The following ACAN variants were observed in gnomAD, a reference collection of about 807,000 sequenced individuals.
ACAN encodes aggrecan core protein.
A neutral mutation model predicts 169.1 loss-of-function variants in ACAN; 47 were observed. The observed-to-expected ratio is 0.28, with a 90% CI of 0.22 to 0.35. ACAN has a LOEUF of 0.35. Among genes scored for constraint, ACAN ranks in the 10% least tolerant of loss-of-function variants. The probability of loss-of-function intolerance (pLI) is 1.00; values close to 1 mark genes in which losing one functional copy is unlikely to be tolerated. For missense variants in ACAN, 2,716 were observed against 2,759.9 expected (o/e 0.98, Z 0.36); for synonymous variants, 1,115 against 1,112.2 (o/e 1.00, Z -0.05).
rs146269195 is a variant in ACAN, at chr15:88,866,190, G to A, written c.6947-2026G>A. Reference sequence around the variant, plus strand: ...CTGGATACCCCCCAGCCTGACCTCCGCTGGGGTGTCTTTCCTTTCCTGCCC... The same window carrying A: ...CTGGATACCCCCCAGCCTGACCTCCACTGGGGTGTCTTTCCTTTCCTGCCC... On this transcript the variant is annotated intron_variant, in intron 13 of 18. Coordinates refer to ENST00000560601, the MANE Select transcript of ACAN (RefSeq NM_001369268.1). The surrounding 1 kb of genome is among the most constrained non-coding windows in gnomAD (Gnocchi z 5.6). 2.0e-4 allele frequency among the ~76,000 whole-genome samples: 31 copies of A among 152,232 alleles called. No homozygotes were observed. Among genetic ancestry groups the A allele is most frequent in the African/African-American group, 6.7e-4 (28 of 41,546 alleles).
In ACAN at chr15:88,857,099, A is replaced by C; in HGVS notation, c.4514A>C (p.Asp1505Ala). The stretch of plus-strand genomic sequence containing the variant: ...GAGACTTCTGCCTCTGGAATAGAGG[A>C]TGTCAGTGAACTTCCTTCAGGAGAA... The part of the protein sequence containing the change: ...VVETSASGIE[D>A]VSELPSGEGL... Residue 1505 changes from aspartate to alanine, a missense_variant, in exon 12 of 19, where the codon GAT (aspartate) becomes GCT (alanine). By Grantham distance (126) the Asp-to-Ala change is moderately radical. Around this residue, in one of 3 missense-constraint regions of ACAN, gnomAD observed 1,389 missense variants for 1,363.7 expected, o/e 1.02. Coordinates refer to ENST00000560601, the MANE Select transcript of ACAN (RefSeq NM_001369268.1). 6.2e-7 allele frequency: 1 copy of C among 1,606,646 alleles called. No individual in the cohort carries two copies. The highest frequency in any genetic ancestry group is 8.5e-7 in the Non-Finnish European group (1 of 1,175,356).
At chr15:88,821,526 C>T (rs1896075808) in intron 1 of ACAN, among the ~76,000 whole-genome samples, 2 of 152,180 alleles carry the variant, frequency 1.3e-5, no homozygotes, top group Admixed American at 1.3e-4. Context: ...TCTATAGTTC[C>T]CTGTCAGCAC....
chr15:88,811,491 T>G lies in ACAN; in HGVS notation c.-8+7682T>G, dbSNP rs375593099. Among the ~76,000 whole-genome samples, 174 of 152,330 alleles carry G rather than the reference T, an allele frequency of 1.1e-3. 1 individual carries two copies. The highest frequency in any genetic ancestry group is 1.5e-3 in the Non-Finnish European group (102 of 68,032). On this transcript the variant is annotated intron_variant, in intron 1 of 18. Coordinates refer to ENST00000560601, the MANE Select transcript of ACAN (RefSeq NM_001369268.1). The stretch of plus-strand genomic sequence containing the variant: ...CTCTCCAAGCCCCACATCTCACATC[T>G]GTAACCTTCCCTCTAAAGGCTGGCC...
At chr15:88,844,215 G>A (rs904062709) in intron 6 of ACAN, among the ~76,000 whole-genome samples, 1 of 151,570 alleles carries the variant, frequency 6.6e-6, no homozygotes, top group Non-Finnish European at 1.5e-5. Flanking sequence ...GCTTACTGCA[G>A]CCTTAGCCTC....
chr15:88,824,496 C>A (rs1896159854), intron 1 of ACAN, among the ~76,000 whole-genome samples: 1 of 152,080 alleles, frequency 6.6e-6, no homozygotes, highest in Non-Finnish European at 1.5e-5. Flanking sequence ...TGAGAAAAAC[C>A]AAAAAAACTC....
At chr15:88,828,732 G>A (rs572576905) in intron 1 of ACAN, among the ~76,000 whole-genome samples, 2 of 152,188 alleles carry the variant, frequency 1.3e-5, no homozygotes, top group Non-Finnish European at 2.9e-5. Flanking sequence ...TCTCTGCACT[G>A]CGTGGAGCTG....
chr15:88,839,978 C>T lies in ACAN; in HGVS notation c.455-34C>T. 1 of 1,573,878 alleles carries T rather than the reference C, an allele frequency of 6.4e-7. No homozygotes were observed. Among genetic ancestry groups the T allele is most frequent in the Non-Finnish European group, 8.6e-7 (1 of 1,157,766 alleles). On this transcript the variant is annotated intron_variant, in intron 3 of 18. Coordinates refer to ENST00000560601, the MANE Select transcript of ACAN (RefSeq NM_001369268.1). This position sits in a 1 kb window ranked among gnomAD's most constrained non-coding sequence, Gnocchi z 4.5. ...GTGATCAGAGACTGTGCCTGACCAG[C>T]TCTTCCGCTTGTGGGCGTGTATGTG...
intron 1 of ACAN, among the ~76,000 whole-genome samples, chr15:88,820,868 G>A (rs1736005531): frequency 6.6e-6 from 1 of 152,068 alleles, no homozygotes; most frequent in Non-Finnish European, 1.5e-5. Context: ...ACCCAAGACT[G>A]GGTAATTTAT....
chr15:88,808,525 T>C (rs75119808), intron 1 of ACAN, among the ~76,000 whole-genome samples: 2,302 of 152,304 alleles, frequency 0.015, 24 homozygotes, highest in Non-Finnish European at 0.023. Context: ...ACCCCTCATT[T>C]CTATACAGCA....
At position 88,871,705 on chromosome 15, in the gene ACAN, C is replaced by T. The variant is rs979125179; in HGVS notation, c.7219+165C>T. Among the ~76,000 whole-genome samples, 4 of 152,198 alleles carry T rather than the reference C, an allele frequency of 2.6e-5. No individual in the cohort carries two copies. The highest frequency in any genetic ancestry group is 9.6e-5 in the African/African-American group (4 of 41,456). ...GTCTGAGCTCCCAGAGAGAAGACAA[C>T]GGTCTTTGGGGCCAGAAGCTGTGGC... On this transcript the variant is annotated intron_variant, in intron 15 of 18. Transcript: ENST00000560601. The surrounding 1 kb of genome is among the most constrained non-coding windows in gnomAD (Gnocchi z 7.8).
rs1307078400 is a variant in ACAN at position 88,858,844 on chromosome 15, C to G, written c.6259C>G (p.Pro2087Ala). 16 of 1,613,410 alleles carry G rather than the reference C, an allele frequency of 9.9e-6. No homozygotes were observed. The highest frequency in any genetic ancestry group is 1.3e-5 in the Non-Finnish European group (15 of 1,179,688). Reference protein sequence around the residue: ...GDISGATPVLPGSGVEVSSVP... With the variant: ...GDISGATPVLAGSGVEVSSVP... ...CATTAGTGGAGCTACCCCAGTGCTC[C>G]CTGGGTCTGGAGTAGAAGTATCATC... is the stretch of plus-strand genomic sequence containing the variant. Residue 2087 changes from proline (P) to alanine (A), a missense_variant, in exon 12 of 19, where the codon CCT becomes GCT. Physicochemically the swap from Pro to Ala is conservative, Grantham distance 27 (BLOSUM62 -1). Around this residue, in one of 3 missense-constraint regions of ACAN, gnomAD observed 1,389 missense variants for 1,363.7 expected, o/e 1.02. Coordinates refer to ENST00000560601, the MANE Select transcript of ACAN (RefSeq NM_001369268.1). This position sits in a 1 kb window ranked among gnomAD's most constrained non-coding sequence, Gnocchi z 4.0.
chr15:88,864,272 C>T (rs1012810608), intron 13 of ACAN, among the ~76,000 whole-genome samples: 11 of 145,052 alleles, frequency 7.6e-5, no homozygotes, highest in Non-Finnish European at 1.7e-4. Context: ...ATGTTATAAC[C>T]TTTTTTTTTT....
rs1320775559 is a variant in ACAN, at chr15:88,854,914, G to A, written c.2329G>A (p.Ala777Thr). The A allele has an allele frequency of 1.3e-6, 2 of 1,582,992 alleles. No individual in the cohort carries two copies. The highest frequency in any genetic ancestry group is 2.4e-5 in the South Asian group (2 of 84,684). Residue 777 changes from alanine (A) to threonine (T), a missense_variant, in exon 12 of 19, where the codon GCA (alanine) becomes ACA (threonine). Coordinates refer to ENST00000560601, the MANE Select transcript of ACAN (RefSeq NM_001369268.1). ...AGAGGAAAGTACAGAAGGCCCTTCT[G>A]CAACTGAAGTGCCCTCTGCCTCAGA... ...ATEESTEGPS[A>T]TEVPSASEEP...
rs778345442 is a variant in ACAN at position 88,857,942 on chromosome 15, G to A, written c.5357G>A (p.Ser1786Asn). The change falls in exon 12 of 19, where the codon AGT (serine) becomes AAT (asparagine). Residue 1786 changes from serine to asparagine, a missense_variant. Physicochemically the swap from Ser to Asn is conservative, Grantham distance 46 (BLOSUM62 1). Around this residue, in one of 3 missense-constraint regions of ACAN, gnomAD observed 1,389 missense variants for 1,363.7 expected, o/e 1.02. Coordinates refer to ENST00000560601, the MANE Select transcript of ACAN (RefSeq NM_001369268.1). ...TSQPFGITDL[S>N]GETSGVPDLS... ...CAACCCTTTGGCATAACTGATCTGA[G>A]TGGAGAAACATCTGGGGTCCCTGAT... The A allele has an allele frequency of 1.2e-6, 2 of 1,613,878 alleles. No homozygotes were observed. The highest frequency in any genetic ancestry group is 4.5e-5 in the East Asian group (2 of 44,870).
chr15:88,868,314 G>A lies in ACAN; in HGVS notation c.7045G>A (p.Asp2349Asn). ...TCLCLPSYEG[D>N]LCEIDQEVCE... The stretch of plus-strand genomic sequence containing the variant: ...CTTATGCCTTCCCAGCTACGAAGGG[G>A]ACCTGTGTGAGATTGGTACGGCCGT... Residue 2349 changes from aspartate to asparagine, a missense_variant, in exon 14 of 19, where the codon GAC becomes AAC. By Grantham distance (23) the Asp-to-Asn change is conservative. Around this residue, in one of 3 missense-constraint regions of ACAN, gnomAD observed 1,389 missense variants for 1,363.7 expected, o/e 1.02. Transcript: ENST00000560601. This position sits in a 1 kb window ranked among gnomAD's most constrained non-coding sequence, Gnocchi z 5.2. The A allele has an allele frequency of 1.4e-6, 1 of 702,770 alleles. No homozygotes were observed. Among genetic ancestry groups the A allele is most frequent in the South Asian group, 1.5e-5 (1 of 67,570 alleles). 43.5% of individuals were successfully genotyped at this position (702,770 alleles called of 1,614,324 possible). A position where few individuals can be genotyped will look rare whatever the true frequency, so the allele number is the denominator to read the frequency against.
Position 88,857,412 on chromosome 15 carries a change from G to C in ACAN, c.4827G>C (p.Leu1609=). ...CTGGAGACTTGGACTTGGGCAAACT[G>C]CCTTCTGGAACTCTAGGAAGTGGGC... is the stretch of plus-strand genomic sequence containing the variant. ...SASGDLDLGK[L]PSGTLGSGQA... The change falls in exon 12 of 19, where the codon CTG becomes CTC. Residue 1609 remains leucine (L), a synonymous_variant. Coordinates refer to ENST00000560601, the MANE Select transcript of ACAN (RefSeq NM_001369268.1). 1 of 1,613,912 alleles carries C rather than the reference G, an allele frequency of 6.2e-7. No individual in the cohort carries two copies. Among genetic ancestry groups the C allele is most frequent in the Non-Finnish European group, 8.5e-7 (1 of 1,179,904 alleles).
At position 88,870,828 on chromosome 15, in the gene ACAN, C is replaced by T. The variant is rs1897361677; in HGVS notation, c.7061-554C>T. 6.6e-6 allele frequency among the ~76,000 whole-genome samples: 1 copy of T among 152,176 alleles called. No homozygotes were observed. Among genetic ancestry groups the T allele is most frequent in the African/African-American group, 2.4e-5 (1 of 41,436 alleles). On this transcript the variant is annotated intron_variant, in intron 14 of 18. Transcript: ENST00000560601. This position sits in a 1 kb window ranked among gnomAD's most constrained non-coding sequence, Gnocchi z 6.3. ...ACTAAAGCCAACTCTGATCAACAGC[C>T]TTAGAGCTCTGAGTCTTCTCCAGAC...
In ACAN at chr15:88,866,025, G is replaced by A. The variant is rs138722404; in HGVS notation, c.6947-2191G>A. 9.5e-4 allele frequency among the ~76,000 whole-genome samples: 144 copies of A among 152,086 alleles called. No homozygotes were observed. The highest frequency in any genetic ancestry group is 3.1e-3 in the African/African-American group (127 of 41,466). ...AGGGCCGTGAAAAAAAAAATTCTGA[G>A]CCCCGGAATTTGTTCCTTCAGTCCC... On this transcript the variant is annotated intron_variant, in intron 13 of 18. Transcript: ENST00000560601. This position sits in a 1 kb window ranked among gnomAD's most constrained non-coding sequence, Gnocchi z 5.6.
chr15:88,843,611 C>T lies in ACAN; in HGVS notation c.1014C>T (p.Pro338=), dbSNP rs1236933263. 11 of 1,595,512 alleles carry T rather than the reference C, an allele frequency of 6.9e-6. No individual in the cohort carries two copies. The highest frequency in any genetic ancestry group is 1.3e-5 in the African/African-American group (1 of 74,700). Residue 338 remains proline (P), a synonymous_variant, in exon 6 of 19, where the codon CCC becomes CCT. Transcript: ENST00000560601. This position sits in a 1 kb window ranked among gnomAD's most constrained non-coding sequence, Gnocchi z 4.0. The part of the protein sequence containing the change: ...VYVHANQTGY[P]DPSSRYDAIC... Reference sequence around the variant, plus strand: ...TGCATGCCAACCAGACGGGCTACCCCGACCCCTCATCCCGCTACGACGCCA... The same window carrying T: ...TGCATGCCAACCAGACGGGCTACCCTGACCCCTCATCCCGCTACGACGCCA...
Sources: allele counts gnomAD v4.1 joint callset (sites outside exome capture counted in the v4.1 genomes callset), GRCh38; gene constraint gnomAD v4.1.1; regional missense constraint gnomAD v4.1.1; non-coding constraint Gnocchi (gnomAD v3.1); transcripts MANE v1.5; gene names NCBI Gene and HGNC (gene_info 2026-07-23, HGNC 2026-07-21).